Variants in CPOX observed in about 807,000 individuals in gnomAD.
The protein encoded by CPOX is coproporphyrinogen oxidase, also known as oxygen-dependent coproporphyrinogen-III oxidase, mitochondrial.
CPOX carries 24 observed loss-of-function variants against 48.9 expected under a neutral mutation model. The observed-to-expected ratio is 0.49, with a 90% CI of 0.36 to 0.69. The LOEUF (loss-of-function observed/expected upper bound fraction) is 0.69, where lower values mean the gene tolerates loss of function less well. Among genes scored for constraint, CPOX ranks in the 30% least tolerant of loss-of-function variants. The pLI is 0.00. For missense variants in CPOX, 549 were observed against 597.3 expected (o/e 0.92, Z 0.84); for synonymous variants, 249 against 234.6 (o/e 1.06, Z -0.56).
At chr3:98,588,900 A>G (rs1441509606) in intron 3 of CPOX, 46 bp from the exon 4 acceptor site, 2 of 1,607,014 alleles carry the variant, frequency 1.2e-6, no homozygotes, top group South Asian at 2.2e-5. Flanking sequence ...TTTGAGATTC[A>G]GCATTACTGG....
At chr3:98,586,012 A>G (rs1447075772) in intron 4 of CPOX, 2 of 335,896 alleles carry the variant, frequency 6.0e-6, no homozygotes, top group Non-Finnish European at 1.2e-5. Context: ...AGCTGGGACT[A>G]CAGGTGCCCA....
chr3:98,571,304 A>T, the CPOX span, among the ~76,000 whole-genome samples: 1 of 151,994 alleles, frequency 6.6e-6, no homozygotes. Flanking sequence ...CCTTTTCTTC[A>T]GTTTGCTTGG....
chr3:98,572,457 T>C, the CPOX span, among the ~76,000 whole-genome samples: 1 of 152,222 alleles, frequency 6.6e-6, no homozygotes, highest in Non-Finnish European at 1.5e-5. Flanking sequence ...CCACTTGAAA[T>C]ATTTTAACAG....
chr3:98,582,866 T>G (rs1381133825), intron 5 of CPOX, among the ~76,000 whole-genome samples: 3 of 152,228 alleles, frequency 2.0e-5, no homozygotes, highest in Non-Finnish European at 4.4e-5. Flanking sequence ...GTAAAGAATT[T>G]TATCTATGCT....
intron 3 of CPOX, 131 bp from the exon 4 acceptor site, chr3:98,588,985 G>A (rs1313313804): frequency 2.8e-6 from 3 of 1,079,712 alleles, no homozygotes; most frequent in Non-Finnish European, 4.1e-6. Flanking sequence ...AATTTTAACT[G>A]ATTTTAGCTC....
At chr3:98,587,636 C>T (rs1347460800) in intron 4 of CPOX, among the ~76,000 whole-genome samples, 1 of 151,286 alleles carries the variant, frequency 6.6e-6, no homozygotes, top group Non-Finnish European at 1.5e-5. Flanking sequence ...TGGATTAATC[C>T]ATCCATCAGG....
chr3:98,578,393 G>A, downstream of CPOX: 3 of 187,170 alleles, frequency 1.6e-5, no homozygotes, highest in Non-Finnish European at 3.0e-5. Context: ...TTTTTTAAAA[G>A]CTAAACTGAG....
the CPOX span, among the ~76,000 whole-genome samples, chr3:98,572,047 T>C: frequency 4.6e-5 from 7 of 152,204 alleles, no homozygotes; most frequent in Admixed American, 3.9e-4. Context: ...GGGTTCAGAG[T>C]TCAAAATATA....
Position 98,593,525 on chromosome 3 carries a change from A to G in CPOX, c.-21T>C, listed in dbSNP as rs1485878329. On this transcript the variant is annotated 5_prime_UTR_variant, in exon 1 of 7. Coordinates refer to ENST00000647941, the MANE Select transcript of CPOX (RefSeq NM_000097.7). ...GCCATGTTCCCGCACTATCACCTGGAGCAGTGCCTGCGTCCCAGAGCCCTG... is the reference window on the plus strand; with the variant it reads ...GCCATGTTCCCGCACTATCACCTGGGGCAGTGCCTGCGTCCCAGAGCCCTG... 5 of 1,517,568 alleles carry G rather than the reference A, an allele frequency of 3.3e-6. No individual in the cohort carries two copies. Among genetic ancestry groups the G allele is most frequent in the Non-Finnish European group, 4.4e-6 (5 of 1,138,806 alleles). 94.0% of individuals were successfully genotyped at this position (1,517,568 alleles called of 1,614,324 possible).
intron 5 of CPOX, among the ~76,000 whole-genome samples, chr3:98,582,782 C>T (rs1285406084): frequency 1.3e-5 from 2 of 152,160 alleles, no homozygotes; most frequent in African/African-American, 4.8e-5. Flanking sequence ...TGAGCCACCA[C>T]GCCCGGCCCA....
In CPOX at chr3:98,593,301, C is replaced by A; in HGVS notation, c.204G>T (p.Ser68=). The part of the protein sequence containing the change: ...QSRGLGHGST[S]RGGPWVGTGL... ...CTGTCCCCACCCAGGGGCCGCCTCTCGACGTCGAGCCGTGCCCCAGCCCGC... is the reference window on the plus strand; with the variant it reads ...CTGTCCCCACCCAGGGGCCGCCTCTAGACGTCGAGCCGTGCCCCAGCCCGC... The change falls in exon 1 of 7, where the codon TCG becomes TCT. Residue 68 remains serine (S), a synonymous_variant. Transcript: ENST00000647941. 6.9e-7 allele frequency: 1 copy of A among 1,440,998 alleles called. No homozygotes were observed. The highest frequency in any genetic ancestry group is 9.0e-7 in the Non-Finnish European group (1 of 1,105,028). 89.3% of individuals were successfully genotyped at this position (1,440,998 alleles called of 1,614,324 possible).
At chr3:98,588,633 G>T in intron 4 of CPOX, 80 bp downstream of exon 4, 15 of 1,420,920 alleles carry the variant, frequency 1.1e-5, no homozygotes, top group Non-Finnish European at 1.5e-5. Flanking sequence ...GCAGAAGAGG[G>T]TATTTAGTGA....
At chr3:98,585,148 G>A (rs1163604801) in intron 5 of CPOX, among the ~76,000 whole-genome samples, 2 of 152,192 alleles carry the variant, frequency 1.3e-5, no homozygotes, top group East Asian at 3.8e-4. Flanking sequence ...TCTACATCTT[G>A]ACATAAGGCT....
chr3:98,576,002 G>A (rs992498854), downstream of CPOX, among the ~76,000 whole-genome samples: 18 of 145,710 alleles, frequency 1.2e-4, no homozygotes, highest in Non-Finnish European at 2.7e-4. Context: ...AACCCAGGAG[G>A]CAGAGGTTGT....
rs1457328131 is a variant in CPOX, at chr3:98,580,595, C to G, written c.*88G>C. 1.9e-6 allele frequency: 3 copies of G among 1,602,692 alleles called. No homozygotes were observed. Among genetic ancestry groups the G allele is most frequent in the Non-Finnish European group, 2.6e-6 (3 of 1,174,288 alleles). On this transcript the variant is annotated 3_prime_UTR_variant, in exon 7 of 7. Transcript: ENST00000647941. ...GTGGAGAAGACTAAGGCACGGGTAA[C>G]TGCCACACAGTGGCAAAGTGCCGAC... is the stretch of plus-strand genomic sequence containing the variant.
chr3:98,585,961 C>T, intron 4 of CPOX: 1 of 353,580 alleles, frequency 2.8e-6, no homozygotes, highest in South Asian at 2.2e-5. Flanking sequence ...CAAGCTCCGC[C>T]TCCCGGGTTC....
intron 5 of CPOX, among the ~76,000 whole-genome samples, chr3:98,583,712 A>C (rs1707303134): frequency 1.3e-5 from 2 of 152,238 alleles, no homozygotes; most frequent in African/African-American, 4.8e-5. Flanking sequence ...AAAGGGAATG[A>C]GACTGACTGC....
intron 4 of CPOX, among the ~76,000 whole-genome samples, chr3:98,588,040 T>C (rs1467547751): frequency 6.6e-6 from 1 of 152,224 alleles, no homozygotes; most frequent in Admixed American, 6.5e-5. Flanking sequence ...TCCATACTCT[T>C]GCATAAATAT....
rs117556273 is a variant in CPOX, at chr3:98,587,411, A to G, written c.953+1302T>C. ...CAGAATAGCTGAAACTGCATAATTT[A>G]TAAATAAAAGGAACTTATTTCTTAA... On this transcript the variant is annotated intron_variant, in intron 4 of 6. Coordinates refer to ENST00000647941, the MANE Select transcript of CPOX (RefSeq NM_000097.7). Among the ~76,000 whole-genome samples the G allele has an allele frequency of 1.5e-3, 233 of 151,458 alleles. 4 individuals are homozygous for G. In the East Asian group the frequency reaches 0.04, roughly 26 times the overall value.
Sources: gnomAD v4.1 joint callset for allele counts (sites outside exome capture counted in the v4.1 genomes callset) on GRCh38, gnomAD v4.1.1 for gene constraint, MANE v1.5 for transcripts, NCBI Gene and HGNC (gene_info 2026-07-23, HGNC 2026-07-21) for gene names.